The following IL15RA variants were observed in gnomAD, a reference collection of about 807,000 sequenced individuals.
IL15RA encodes the protein interleukin-15 receptor subunit alpha.
Under a neutral mutation model 24.2 loss-of-function variants are expected in IL15RA, and 26 were observed. That is an observed-to-expected ratio of 1.07 (90% CI 0.79 to 1.49). The LOEUF (loss-of-function observed/expected upper bound fraction) is 1.49. IL15RA is among the 40% of genes most tolerant of loss of function. The pLI is 0.00. For missense variants in IL15RA, 354 were observed against 356.4 expected (o/e 0.99, Z 0.05); for synonymous variants, 166 against 157.6 (o/e 1.05, Z -0.40).
Position 5,966,148 on chromosome 10 carries a change from T to C in IL15RA, c.280A>G (p.Ile94Val). The change falls in exon 2 of 7, where the codon ATT becomes GTT. Residue 94 changes from isoleucine to valine, a missense_variant. Coordinates refer to ENST00000379977, the MANE Select transcript of IL15RA (RefSeq NM_002189.4). This position sits in a 1 kb window ranked among gnomAD's most constrained non-coding sequence, Gnocchi z 6.4. ...AHWTTPSLKC[I>V]RDPALVHQRP... ...TGGGGTGGCAAGGGCTACTCACTAATGCATTTGAGACTGGGGGTTGTCCAG... is the reference window on the plus strand; with the variant it reads ...TGGGGTGGCAAGGGCTACTCACTAACGCATTTGAGACTGGGGGTTGTCCAG... 1 of 1,605,302 alleles carries C rather than the reference T, an allele frequency of 6.2e-7. No individual in the cohort carries two copies. The highest frequency in any genetic ancestry group is 1.1e-5 in the South Asian group (1 of 90,918).
chr10:5,977,586 C>T, upstream of IL15RA: 1 of 1,255,978 alleles, frequency 8.0e-7, no homozygotes, highest in Non-Finnish European at 1.0e-6. Flanking sequence ...CCTGCCGCCC[C>T]GCCAGTCGCA....
rs769413055 is a variant in IL15RA at position 5,960,215 on chromosome 10, G to GGA, written c.583+150_583+151dup. 3.0e-5 allele frequency: 22 copies of GGA among 738,006 alleles called. No homozygotes were observed. The highest frequency in any genetic ancestry group is 4.2e-5 in the Non-Finnish European group (18 of 432,030). 45.7% of individuals were successfully genotyped at this position (738,006 alleles called of 1,614,324 possible). A position where few individuals can be genotyped will look rare whatever the true frequency, so the allele number is the denominator to read the frequency against. On this transcript the variant is annotated intron_variant, in intron 4 of 6. Transcript: ENST00000379977. This position sits in a 1 kb window ranked among gnomAD's most constrained non-coding sequence, Gnocchi z 5.1. ...AGCCACGGAGAAAGAGGTCAGGCCA[G>GGA]GACGCCGTGGCTGGTGGCCGGGGCC...
chr10:5,968,883 G>A lies in IL15RA; in HGVS notation c.89-2544C>T. ...CTGGACCTCATGGTTGAAGCTTTCAGATATTCTGCTCCTTCCCGCCAGGAC... is the reference window on the plus strand; with the variant it reads ...CTGGACCTCATGGTTGAAGCTTTCAAATATTCTGCTCCTTCCCGCCAGGAC... On this transcript the variant is annotated intron_variant, in intron 1 of 6. Transcript: ENST00000379977. This position sits in a 1 kb window ranked among gnomAD's most constrained non-coding sequence, Gnocchi z 5.4. 2 of 1,310,004 alleles carry A rather than the reference G, an allele frequency of 1.5e-6. No homozygotes were observed. Among genetic ancestry groups the A allele is most frequent in the Non-Finnish European group, 1.1e-6 (1 of 940,844 alleles). 81.1% of individuals were successfully genotyped at this position (1,310,004 alleles called of 1,614,324 possible). A position where few individuals can be genotyped will look rare whatever the true frequency, so the allele number is the denominator to read the frequency against.
rs557176523 is a variant in IL15RA at position 5,960,146 on chromosome 10, G to C, written c.583+221C>G. Among the ~76,000 whole-genome samples, 9 of 152,208 alleles carry C rather than the reference G, an allele frequency of 5.9e-5. No individual in the cohort carries two copies. The highest frequency in any genetic ancestry group is 1.9e-4 in the African/African-American group (8 of 41,444). On this transcript the variant is annotated intron_variant, in intron 4 of 6. Coordinates refer to ENST00000379977, the MANE Select transcript of IL15RA (RefSeq NM_002189.4). This position sits in a 1 kb window ranked among gnomAD's most constrained non-coding sequence, Gnocchi z 5.1. Reference sequence around the variant, plus strand: ...ATAAGGCTGGCCCTGTCACATCTTGGGGGGGTGTGGGCTTGCTTTTGCAGC... The same window carrying C: ...ATAAGGCTGGCCCTGTCACATCTTGCGGGGGTGTGGGCTTGCTTTTGCAGC...
Position 5,966,453 on chromosome 10 carries a change from C to T in IL15RA, c.89-114G>A. 1 of 836,320 alleles carries T rather than the reference C, an allele frequency of 1.2e-6. No individual in the cohort carries two copies. Among genetic ancestry groups the T allele is most frequent in the Non-Finnish European group, 1.9e-6 (1 of 533,282 alleles). The allele number at this position is 836,320 out of a possible 1,614,324, so 51.8% of individuals were successfully genotyped here. A position where few individuals can be genotyped will look rare whatever the true frequency, so the allele number is the denominator to read the frequency against. On this transcript the variant is annotated intron_variant, in intron 1 of 6. Transcript: ENST00000379977. The surrounding 1 kb of genome is among the most constrained non-coding windows in gnomAD (Gnocchi z 6.4). ...AGCTTATCCTAGGGGTGCCTCAGGA[C>T]AAGCCCCAGGTGCCAGGCACGTGGA...
rs986163135 is a variant in IL15RA at position 5,968,986 on chromosome 10, C to T, written c.89-2647G>A. On this transcript the variant is annotated intron_variant, in intron 1 of 6. Coordinates refer to ENST00000379977, the MANE Select transcript of IL15RA (RefSeq NM_002189.4). This position sits in a 1 kb window ranked among gnomAD's most constrained non-coding sequence, Gnocchi z 5.4. ...GCCCATTTCCAGCAGCCGTGGACCT[C>T]CAGGGCTGTTTGTGTAGGATCCTGA... is the stretch of plus-strand genomic sequence containing the variant. The T allele has an allele frequency of 1.8e-5, 27 of 1,534,192 alleles. No individual in the cohort carries two copies. Among genetic ancestry groups the T allele is most frequent in the Non-Finnish European group, 2.4e-5 (27 of 1,145,966 alleles).
chr10:5,965,556 G>A lies in IL15RA; in HGVS notation c.283+589C>T, dbSNP rs780997210. On this transcript the variant is annotated intron_variant, in intron 2 of 6. Transcript: ENST00000379977. The surrounding 1 kb of genome is among the most constrained non-coding windows in gnomAD (Gnocchi z 5.8). Reference sequence around the variant, plus strand: ...AGCCCGCAGTGTGGATATCAAGTCCGTTTTCCAGATGACCAGCCAGAGTGC... The same window carrying A: ...AGCCCGCAGTGTGGATATCAAGTCCATTTTCCAGATGACCAGCCAGAGTGC... Among the ~76,000 whole-genome samples the A allele has an allele frequency of 3.4e-4, 52 of 152,334 alleles. No homozygotes were observed. Among genetic ancestry groups the A allele is most frequent in the Middle Eastern group, 3.4e-3 (1 of 294 alleles).
At position 5,962,727 on chromosome 10, in the gene IL15RA, A is replaced by T. The variant is rs1835808656; in HGVS notation, c.382+1016T>A. On this transcript the variant is annotated intron_variant, in intron 3 of 6. Coordinates refer to ENST00000379977, the MANE Select transcript of IL15RA (RefSeq NM_002189.4). This position sits in a 1 kb window ranked among gnomAD's most constrained non-coding sequence, Gnocchi z 5.2. Reference sequence around the variant, plus strand: ...ACTGACACTCCGCAAAGGATGGCTGAGTCCTGTAGTATGAATGACAACAGA... The same window carrying T: ...ACTGACACTCCGCAAAGGATGGCTGTGTCCTGTAGTATGAATGACAACAGA... 1.3e-5 allele frequency among the ~76,000 whole-genome samples: 2 copies of T among 152,174 alleles called. No homozygotes were observed. The highest frequency in any genetic ancestry group is 4.1e-4 in the South Asian group (2 of 4,826).
At chr10:5,976,955 C>T (rs1020149082) in intron 1 of IL15RA, 3 of 156,352 alleles carry the variant, frequency 1.9e-5, no homozygotes, top group African/African-American at 7.2e-5. Context: ...TTACTTTTGC[C>T]TGGGAGTCGG....
rs899453369 is a variant in IL15RA, at chr10:5,960,432, C to G, written c.518G>C (p.Gly173Ala). 1.2e-6 allele frequency: 2 copies of G among 1,613,690 alleles called. No homozygotes were observed. The highest frequency in any genetic ancestry group is 2.7e-5 in the African/African-American group (2 of 74,842). ...TEISSHESSH[G>A]TPSQTTAKNW... ...CTTGGCTGTTGTCTGAGAGGGGGTG[C>G]CGTGGGAGGACTCATGACTGCTTAT... Residue 173 changes from glycine to alanine, a missense_variant, in exon 4 of 7, where the codon GGC becomes GCC. Physicochemically the swap from Gly to Ala is moderately conservative, Grantham distance 60. Coordinates refer to ENST00000379977, the MANE Select transcript of IL15RA (RefSeq NM_002189.4). The surrounding 1 kb of genome is among the most constrained non-coding windows in gnomAD (Gnocchi z 5.1).
chr10:5,957,078 G>T (rs1834644352), intron 5 of IL15RA, among the ~76,000 whole-genome samples: 1 of 150,456 alleles, frequency 6.6e-6, no homozygotes, highest in South Asian at 2.1e-4. Flanking sequence ...TCCTGCCTCA[G>T]CCTTCTGAGT....
At position 5,955,616 on chromosome 10, in the gene IL15RA, G is replaced by C. The variant is rs1834404363; in HGVS notation, c.692+763C>G. On this transcript the variant is annotated intron_variant, in intron 6 of 6. Transcript: ENST00000379977. This position sits in a 1 kb window ranked among gnomAD's most constrained non-coding sequence, Gnocchi z 5.3. ...AATACTGCCTAAAGATTAAAAAAAT[G>C]AGAAAAATTAAAAAAGTTAGCAAGT... Among the ~76,000 whole-genome samples the C allele has an allele frequency of 6.6e-6, 1 of 152,074 alleles. No homozygotes were observed.
chr10:5,967,861 C>A lies in IL15RA; in HGVS notation c.89-1522G>T, dbSNP rs1190247693. Among the ~76,000 whole-genome samples the A allele has an allele frequency of 6.6e-6, 1 of 152,066 alleles. No homozygotes were observed. The highest frequency in any genetic ancestry group is 2.4e-5 in the African/African-American group (1 of 41,400). On this transcript the variant is annotated intron_variant, in intron 1 of 6. Coordinates refer to ENST00000379977, the MANE Select transcript of IL15RA (RefSeq NM_002189.4). This position sits in a 1 kb window ranked among gnomAD's most constrained non-coding sequence, Gnocchi z 4.4. The stretch of plus-strand genomic sequence containing the variant: ...ATCACCTGAGGTCAGGAGTTCAGGA[C>A]CAGCCTGGCTAACATGGTGAAAGCC...
chr10:5,969,197 T>C (rs1006429417), intron 1 of IL15RA, among the ~76,000 whole-genome samples: 1 of 152,014 alleles, frequency 6.6e-6, no homozygotes, highest in African/African-American at 2.4e-5. Context: ...GAGTTTGCTT[T>C]TCTAGATCCT....
rs1486286232 is a variant in IL15RA, at chr10:5,955,760, C to G, written c.692+619G>C. Among the ~76,000 whole-genome samples the G allele has an allele frequency of 6.6e-6, 1 of 152,166 alleles. No individual in the cohort carries two copies. Among genetic ancestry groups the G allele is most frequent in the Non-Finnish European group, 1.5e-5 (1 of 68,034 alleles). On this transcript the variant is annotated intron_variant, in intron 6 of 6. Transcript: ENST00000379977. The surrounding 1 kb of genome is among the most constrained non-coding windows in gnomAD (Gnocchi z 5.3). The stretch of plus-strand genomic sequence containing the variant: ...AAGGCATACCCCTATTCAATGAGGA[C>G]TTTCAAGAATATATTCATGAGGGTA...
At position 5,962,902 on chromosome 10, in the gene IL15RA, A is replaced by G. The variant is rs1835844602; in HGVS notation, c.382+841T>C. On this transcript the variant is annotated intron_variant, in intron 3 of 6. Transcript: ENST00000379977. The surrounding 1 kb of genome is among the most constrained non-coding windows in gnomAD (Gnocchi z 5.2). ...TCCCAAGAAAGCATCCAAGATTTCA[A>G]ATTTTCTGAACACTGAGAAAGCGCT... Among the ~76,000 whole-genome samples, 1 of 152,228 alleles carries G rather than the reference A, an allele frequency of 6.6e-6. No individual in the cohort carries two copies. Among genetic ancestry groups the G allele is most frequent in the Non-Finnish European group, 1.5e-5 (1 of 68,038 alleles).
At chr10:5,949,469 G>T (rs1040878442), downstream of IL15RA, among the ~76,000 whole-genome samples, 48 of 152,132 alleles carry the variant, frequency 3.2e-4, no homozygotes, top group Non-Finnish European at 4.7e-4. This position sits in a 1 kb window ranked among gnomAD's most constrained non-coding sequence, Gnocchi z 4.4. Context: ...ATTTGGGTCG[G>T]GCTGGTCCTG....
chr10:5,956,294 C>A (rs1170819691), intron 6 of IL15RA, 85 bp downstream of exon 6: 5 of 1,053,130 alleles, frequency 4.7e-6, no homozygotes, highest in South Asian at 1.3e-5. Context: ...GAATTCCAGG[C>A]GTGAGCTACC....
intron 5 of IL15RA, among the ~76,000 whole-genome samples, chr10:5,957,311 TG>T (rs1191105347): frequency 6.6e-6 from 1 of 152,072 alleles, no homozygotes; most frequent in Non-Finnish European, 1.5e-5. Flanking sequence ...AGTGTCATTT[TG>T]TTGCCCAAAC....
Sources: gnomAD v4.1 joint callset for allele counts (sites outside exome capture counted in the v4.1 genomes callset) on GRCh38, gnomAD v4.1.1 for gene constraint, Gnocchi (gnomAD v3.1) non-coding constraint, MANE v1.5 for transcripts, NCBI Gene and HGNC (gene_info 2026-07-23, HGNC 2026-07-21) for gene names.